Variants in DHRS4L2 observed in about 807,000 individuals in gnomAD.
The protein encoded by DHRS4L2 is dehydrogenase/reductase SDR family member 4-like 2.
A neutral mutation model predicts 23.9 loss-of-function variants in DHRS4L2; 22 were observed. That is an observed-to-expected ratio of 0.92 (90% confidence interval 0.66 to 1.31). DHRS4L2 has a LOEUF of 1.31. Ranked by LOEUF, DHRS4L2 falls within the 40% of genes most tolerant of loss-of-function variation. DHRS4L2 has a pLI of 0.00. For synonymous variants in DHRS4L2, 141 were observed against 123.7 expected, an observed-to-expected ratio of 1.14 and a Z score of -0.93; for missense variants, 385 against 303.3, an observed-to-expected ratio of 1.27 and a Z score of -2.00.
chr14:23,989,771 A>C lies in DHRS4L2; in HGVS notation c.129-411A>C, dbSNP rs568445176. ...CTTTTCACATGCACCCCAAAAAATA[A>C]TTATGGAAAGAATTTTGAGAATGAT... On this transcript the variant is annotated intron_variant, in intron 1 of 7. Coordinates refer to ENST00000335125, the MANE Select transcript of DHRS4L2 (RefSeq NM_198083.4). 2.0e-5 allele frequency among the ~76,000 whole-genome samples: 3 copies of C among 151,936 alleles called. No homozygotes were observed. In the South Asian group the frequency reaches 6.3e-4, roughly 32 times the overall value.
chr14:23,999,355 A>C (rs1324017250), intron 3 of DHRS4L2, among the ~76,000 whole-genome samples: 1 of 128,502 alleles, frequency 7.8e-6, no homozygotes, highest in Non-Finnish European at 1.6e-5. Context: ...AAAAAAAAAA[A>C]AAAAAAAAAA....
chr14:23,974,177 AT>A (rs1454907195), intron 1 of DHRS4L2, among the ~76,000 whole-genome samples: 3 of 151,804 alleles, frequency 2.0e-5, no homozygotes, highest in Non-Finnish European at 2.9e-5. Flanking sequence ...GAAGGCAGAA[AT>A]AAACATGGTC....
At chr14:23,986,444 A>T (rs1455014034), upstream of DHRS4L2, among the ~76,000 whole-genome samples, 2 of 151,054 alleles carry the variant, frequency 1.3e-5, no homozygotes, top group Non-Finnish European at 3.0e-5. Flanking sequence ...CCAACATGGC[A>T]CATGTGTACA....
In DHRS4L2 at chr14:23,989,045, A is replaced by C; in HGVS notation, c.98A>C (p.Lys33Thr). The change falls in exon 1 of 8, where the codon AAG becomes ACG. Residue 33 changes from lysine to threonine, a missense_variant. Transcript: ENST00000335125. ...ACCCGCCGGGACCCGCTCACAAATA[A>C]GGTGGCCCTGGTAACGGCCTCCACC... The part of the protein sequence containing the change: ...RMTRRDPLTN[K>T]VALVTASTDG... 1 of 1,595,762 alleles carries C rather than the reference A, an allele frequency of 6.3e-7. No individual in the cohort carries two copies. The highest frequency in any genetic ancestry group is 8.5e-7 in the Non-Finnish European group (1 of 1,171,454).
At chr14:24,005,778 A>G in intron 7 of DHRS4L2, 108 bp from the exon 8 acceptor site, 5 of 1,547,208 alleles carry the variant, frequency 3.2e-6, no homozygotes, top group Non-Finnish European at 4.4e-6. Flanking sequence ...TGATCCTGAA[A>G]AGTCATCTGA....
chr14:23,981,764 G>T (rs1457678054), intron 1 of DHRS4L2, among the ~76,000 whole-genome samples: 1 of 151,646 alleles, frequency 6.6e-6, no homozygotes, highest in South Asian at 2.1e-4. Flanking sequence ...ATGTGGCAAA[G>T]GAATCTGTGT....
chr14:23,971,568 C>A (rs1481259141), intron 1 of DHRS4L2, among the ~76,000 whole-genome samples: 1 of 151,934 alleles, frequency 6.6e-6, no homozygotes, highest in Non-Finnish European at 1.5e-5. Context: ...AGGTTAAGGG[C>A]AGCCAGAGAG....
chr14:24,000,341 T>C (rs2034461399), intron 3 of DHRS4L2, among the ~76,000 whole-genome samples: 1 of 149,522 alleles, frequency 6.7e-6, no homozygotes, highest in African/African-American at 2.5e-5. Context: ...CCCCAGAAGG[T>C]GACTCCTCAT....
chr14:23,991,770 C>T (rs918767918), intron 2 of DHRS4L2, among the ~76,000 whole-genome samples: 6 of 143,670 alleles, frequency 4.2e-5, no homozygotes, highest in African/African-American at 1.6e-4. Flanking sequence ...GAGTTTCATT[C>T]TTGTTGCCCA....
In DHRS4L2 at chr14:23,976,113, T is replaced by C. The variant is rs2033958905; in HGVS notation, c.-176+5781T>C. Among the ~76,000 whole-genome samples, 3 of 151,578 alleles carry C rather than the reference T, an allele frequency of 2.0e-5. 1 individual carries two copies. The highest frequency in any genetic ancestry group is 4.9e-5 in the African/African-American group (2 of 41,226). ...AAAGCCAAAATAGACTAATGGGATC[T>C]ACCTAAACTAAAGAGCTTCTGCACA... On this transcript the variant is annotated intron_variant, in intron 1 of 5. Coordinates refer to the DHRS4L2 transcript ENST00000534993.
At chr14:23,996,809 T>G (rs1258241454) in intron 3 of DHRS4L2, among the ~76,000 whole-genome samples, 3 of 151,784 alleles carry the variant, frequency 2.0e-5, no homozygotes, top group Non-Finnish European at 4.4e-5. Flanking sequence ...CCTGGCTAAT[T>G]TTTTGTATTG....
At chr14:23,999,017 T>C (rs2034434892) in intron 3 of DHRS4L2, among the ~76,000 whole-genome samples, 1 of 149,640 alleles carries the variant, frequency 6.7e-6, no homozygotes, top group Non-Finnish European at 1.5e-5. Context: ...GGTTAATAGT[T>C]GGCCTAATTT....
chr14:23,972,898 AAGCC>A lies in DHRS4L2; in HGVS notation c.-176+2569_-176+2572del, dbSNP rs573915240. Among the ~76,000 whole-genome samples, 401 of 152,136 alleles carry A rather than the reference AAGCC, an allele frequency of 2.6e-3. 3 individuals are homozygous for A. Among genetic ancestry groups the A allele is most frequent in the Admixed American group, 4.8e-3 (74 of 15,298 alleles). Reference sequence around the variant, plus strand: ...AGGTACTATGACTGGACGTGCACGTAAGCCAGATTTATGTTTCTCTCCACCCAAA... The same window carrying A: ...AGGTACTATGACTGGACGTGCACGTAAGATTTATGTTTCTCTCCACCCAAA... On this transcript the variant is annotated intron_variant, in intron 1 of 5. Coordinates refer to the DHRS4L2 transcript ENST00000534993.
chr14:23,992,550 G>A (rs1285703928), intron 2 of DHRS4L2, among the ~76,000 whole-genome samples: 1 of 151,376 alleles, frequency 6.6e-6, no homozygotes, highest in Non-Finnish European at 1.5e-5. Flanking sequence ...GGTGTTGTAA[G>A]TGGAAACCAG....
rs1176798141 is a variant in DHRS4L2, at chr14:23,994,572, C to G, written c.307-460C>G. ...GTGTGGTGGCACGCACTTCTACTCT[C>G]AACTACTTGGGGGGCTGAGCCAAGA... On this transcript the variant is annotated intron_variant, in intron 2 of 7. Coordinates refer to ENST00000335125, the MANE Select transcript of DHRS4L2 (RefSeq NM_198083.4). 1.3e-5 allele frequency among the ~76,000 whole-genome samples: 2 copies of G among 151,434 alleles called. 1 individual carries two copies. The highest frequency in any genetic ancestry group is 2.9e-5 in the Non-Finnish European group (2 of 67,856).
chr14:23,996,222 C>T (rs2034379872), intron 3 of DHRS4L2, among the ~76,000 whole-genome samples: 1 of 151,582 alleles, frequency 6.6e-6, no homozygotes, highest in Admixed American at 6.6e-5. Flanking sequence ...ACACCAGGCC[C>T]CACCTGGAAC....
intron 2 of DHRS4L2, among the ~76,000 whole-genome samples, chr14:23,994,208 G>A (rs984188119): frequency 4.6e-5 from 7 of 151,732 alleles, no homozygotes; most frequent in African/African-American, 1.5e-4. Context: ...CTTATTCAGG[G>A]AGAACTGGAC....
Position 24,006,295 on chromosome 14 carries a change from T to C in DHRS4L2, c.*432T>C, listed in dbSNP as rs2034578602. 1 of 404,916 alleles carries C rather than the reference T, an allele frequency of 2.5e-6. No homozygotes were observed. The highest frequency in any genetic ancestry group is 4.2e-6 in the Non-Finnish European group (1 of 236,518). The allele number at this position is 404,916 out of a possible 1,614,324, so 25.1% of individuals were successfully genotyped here. A position where few individuals can be genotyped will look rare whatever the true frequency, so the allele number is the denominator to read the frequency against. On this transcript the variant is annotated 3_prime_UTR_variant, in exon 8 of 8. Coordinates refer to ENST00000335125, the MANE Select transcript of DHRS4L2 (RefSeq NM_198083.4). ...TATTTTTTCCTGGGCCACTGGGGAATCTGAGGGGTGATGGGAGAGAAGGAA... is the reference window on the plus strand; with the variant it reads ...TATTTTTTCCTGGGCCACTGGGGAACCTGAGGGGTGATGGGAGAGAAGGAA...
chr14:23,975,335 T>A (rs564035474), intron 1 of DHRS4L2, among the ~76,000 whole-genome samples: 5 of 151,754 alleles, frequency 3.3e-5, no homozygotes, highest in Admixed American at 2.6e-4. Context: ...TCACAATTGC[T>A]ACAAAGAGAA....
Sources: allele counts gnomAD v4.1 joint callset (sites outside exome capture counted in the v4.1 genomes callset), GRCh38; gene constraint gnomAD v4.1.1; transcripts MANE v1.5; gene names NCBI Gene and HGNC (gene_info 2026-07-23, HGNC 2026-07-21).